DPT: variants seen among roughly 807,000 people sequenced by gnomAD.
DPT encodes the protein tyrosine-rich acidic matrix protein.
Under a neutral mutation model 31.2 loss-of-function variants are expected in DPT, and 21 were observed. That is an observed-to-expected ratio of 0.67 (90% CI 0.48 to 0.97). The LOEUF is 0.97. Ranked by LOEUF, DPT falls within the 50% of genes least tolerant of loss-of-function variation. The probability of loss-of-function intolerance (pLI) is 0.00; values close to 1 mark genes in which losing one functional copy is unlikely to be tolerated. For missense variants in DPT, 262 were observed against 258.8 expected (o/e 1.01, Z -0.08); for synonymous variants, 91 against 86.9 (o/e 1.05, Z -0.26).
chr1:168,699,768 G>A (rs1181669543), intron 3 of DPT, among the ~76,000 whole-genome samples: 1 of 151,892 alleles, frequency 6.6e-6, no homozygotes. Flanking sequence ...ATATTTATTG[G>A]TAACTTTTCA....
chr1:168,706,959 C>A (rs1264827110), intron 2 of DPT, among the ~76,000 whole-genome samples: 1 of 152,148 alleles, frequency 6.6e-6, no homozygotes, highest in Non-Finnish European at 1.5e-5. Flanking sequence ...CAACAGCTCC[C>A]CTCCAATTAA....
intron 1 of DPT, among the ~76,000 whole-genome samples, chr1:168,727,210 G>T (rs919483856): frequency 3.9e-5 from 6 of 152,230 alleles, no homozygotes; most frequent in African/African-American, 1.4e-4. Context: ...CTGTGGCAAA[G>T]TACAAACTCT....
At chr1:168,711,205 G>C (rs1649852780) in intron 2 of DPT, among the ~76,000 whole-genome samples, 1 of 150,314 alleles carries the variant, frequency 6.7e-6, no homozygotes, top group African/African-American at 2.5e-5. Context: ...ATTTTTAGTA[G>C]AGAACGGGGT....
chr1:168,698,181 A>G (rs1572622853), intron 3 of DPT, among the ~76,000 whole-genome samples: 1 of 152,322 alleles, frequency 6.6e-6, no homozygotes, highest in East Asian at 1.9e-4. Context: ...CACTCTGCTC[A>G]AACAGCCTAA....
In DPT at chr1:168,703,890, TGTG is replaced by T. The variant is rs1217626567; in HGVS notation, c.432-2769_432-2767del. On this transcript the variant is annotated intron_variant, in intron 2 of 3. Transcript: ENST00000367817. The stretch of plus-strand genomic sequence containing the variant: ...GTTCTGTATTTTCAAACCAGATATA[TGTG>T]GCTGCATTTAGCGCTTGATGACACT... 5.9e-5 allele frequency among the ~76,000 whole-genome samples: 9 copies of T among 152,212 alleles called. No homozygotes were observed. In the South Asian group the frequency reaches 1.9e-3, roughly 32 times the overall value.
At position 168,728,870 on chromosome 1, in the gene DPT, C is replaced by A. The variant is rs759132941; in HGVS notation, c.305G>T (p.Trp102Leu). The stretch of plus-strand genomic sequence containing the variant: ...GTGCAGTGCAGGGACTGGCCCTTAC[C>A]ATTCCATGCCAGCCCTGTTGATCTC... The part of the protein sequence containing the change: ...WEEINRAGME[W>L]YQTCSNNGLV... The change falls in exon 1 of 4, where the codon TGG becomes TTG. Residue 102 changes from tryptophan (W) to leucine (L), a missense_variant and splice_region_variant. Physicochemically the swap from Trp to Leu is moderately conservative, Grantham distance 61. Coordinates refer to ENST00000367817, the MANE Select transcript of DPT (RefSeq NM_001937.5). 1.9e-6 allele frequency: 3 copies of A among 1,613,978 alleles called. No homozygotes were observed. Among genetic ancestry groups the A allele is most frequent in the South Asian group, 1.1e-5 (1 of 91,056 alleles).
At chr1:168,703,434 A>C (rs1649647685) in intron 2 of DPT, among the ~76,000 whole-genome samples, 1 of 152,226 alleles carries the variant, frequency 6.6e-6, no homozygotes, top group Non-Finnish European at 1.5e-5. Flanking sequence ...TTCTTTAATT[A>C]GGATTCTCTG....
chr1:168,728,770 G>T, intron 1 of DPT, 100 bp downstream of exon 1: 4 of 1,457,834 alleles, frequency 2.7e-6, no homozygotes, highest in Non-Finnish European at 2.8e-6. Context: ...ATTTGCCCAG[G>T]CTTTGGTTAC....
At chr1:168,712,752 G>A (rs1222652528) in intron 2 of DPT, among the ~76,000 whole-genome samples, 1 of 152,196 alleles carries the variant, frequency 6.6e-6, no homozygotes, top group Non-Finnish European at 1.5e-5. Flanking sequence ...CAACCTGAAA[G>A]ATCTTCTAGT....
intron 2 of DPT, among the ~76,000 whole-genome samples, chr1:168,711,507 G>A (rs1214451309): frequency 2.0e-5 from 3 of 152,188 alleles, no homozygotes; most frequent in Non-Finnish European, 2.9e-5. Context: ...TTGCTGTGAT[G>A]AGGAATGTTG....
chr1:168,701,921 G>T (rs1649607272), intron 2 of DPT, among the ~76,000 whole-genome samples: 1 of 151,640 alleles, frequency 6.6e-6, no homozygotes, highest in African/African-American at 2.4e-5. Context: ...TACATGGTAG[G>T]TGTTGAATCA....
intron 1 of DPT, among the ~76,000 whole-genome samples, chr1:168,720,674 A>T (rs1441711692): frequency 6.6e-6 from 1 of 152,102 alleles, no homozygotes; most frequent in Non-Finnish European, 1.5e-5. Context: ...CACTGCAGAG[A>T]TGGACTATGA....
At chr1:168,711,072 G>A (rs890380964) in intron 2 of DPT, among the ~76,000 whole-genome samples, 12 of 150,548 alleles carry the variant, frequency 8.0e-5, no homozygotes, top group East Asian at 3.9e-4. Flanking sequence ...GTGCAGTGGC[G>A]TGATCTCGGC....
intron 2 of DPT, among the ~76,000 whole-genome samples, chr1:168,713,681 A>G (rs1242547430): frequency 1.3e-5 from 2 of 152,234 alleles, no homozygotes; most frequent in Non-Finnish European, 2.9e-5. Context: ...AAAACATCAG[A>G]GGCTGGAATT....
intron 2 of DPT, among the ~76,000 whole-genome samples, chr1:168,702,271 C>T (rs989182270): frequency 1.3e-5 from 2 of 152,120 alleles, no homozygotes; most frequent in African/African-American, 4.8e-5. Context: ...TGATGGTGAT[C>T]TTTCTCCAAG....
intron 2 of DPT, among the ~76,000 whole-genome samples, chr1:168,702,892 A>G (rs542067012): frequency 9.9e-5 from 15 of 152,274 alleles, no homozygotes; most frequent in Admixed American, 6.5e-4. Context: ...GATTACATGT[A>G]TGAGCCACTG....
In DPT at chr1:168,695,856, C is replaced by T. The variant is rs978878147; in HGVS notation, c.*693G>A. The T allele has an allele frequency of 1.2e-5, 3 of 260,352 alleles. No individual in the cohort carries two copies. Among genetic ancestry groups the T allele is most frequent in the Non-Finnish European group, 2.2e-5 (3 of 137,910 alleles). The allele number at this position is 260,352 out of a possible 1,614,324, so 16.1% of individuals were successfully genotyped here. A position where few individuals can be genotyped will look rare whatever the true frequency, so the allele number is the denominator to read the frequency against. On this transcript the variant is annotated 3_prime_UTR_variant, in exon 4 of 4. Transcript: ENST00000367817. ...TTTAATCTCATTTGAGAGTGATCCTCACGGGTTCCCCTGGCCCCTGCACTC... is the reference window on the plus strand; with the variant it reads ...TTTAATCTCATTTGAGAGTGATCCTTACGGGTTCCCCTGGCCCCTGCACTC...
chr1:168,714,089 C>T, intron 2 of DPT, 132 bp downstream of exon 2: 1 of 1,191,714 alleles, frequency 8.4e-7, no homozygotes, highest in Admixed American at 2.4e-5. Flanking sequence ...GTCATTCATT[C>T]ATTCTTGTCT....
chr1:168,723,800 C>T (rs944029949), intron 1 of DPT, among the ~76,000 whole-genome samples: 1 of 152,186 alleles, frequency 6.6e-6, no homozygotes, highest in Non-Finnish European at 1.5e-5. Context: ...TTCTGTTGTA[C>T]TATATTTGTG....
Sources: gnomAD v4.1 joint callset for allele counts (sites outside exome capture counted in the v4.1 genomes callset) on GRCh38, gnomAD v4.1.1 for gene constraint, MANE v1.5 for transcripts, NCBI Gene and HGNC (gene_info 2026-07-23, HGNC 2026-07-21) for gene names.